The following TMEM217B variants were observed in gnomAD, a reference collection of about 807,000 sequenced individuals.
TMEM217B encodes putative transmembrane protein 217B.
the TMEM217B span, among the ~76,000 whole-genome samples, chr6:37,224,342 T>C: frequency 6.7e-6 from 1 of 148,508 alleles, no homozygotes; most frequent in South Asian, 2.2e-4. Context: ...CTCATGCCTG[T>C]AATCCCAGCA....
At chr6:37,229,335 GTTTTTTTTTT>G in the TMEM217B span, among the ~76,000 whole-genome samples, 4 of 74,368 alleles carry the variant, frequency 5.4e-5, no homozygotes, top group African/African-American at 1.6e-4. Flanking sequence ...GCAACTTTCA[GTTTTTTTTTT>G]TTTTTTTTTT....
the TMEM217B span, among the ~76,000 whole-genome samples, chr6:37,235,849 C>G: frequency 6.6e-6 from 1 of 152,128 alleles, no homozygotes; most frequent in Admixed American, 6.5e-5. Flanking sequence ...AAGCACTAAC[C>G]CATTTTGAAG....
At chr6:37,224,475 G>A in the TMEM217B span, among the ~76,000 whole-genome samples, 1 of 151,724 alleles carries the variant, frequency 6.6e-6, no homozygotes, top group African/African-American at 2.4e-5. Context: ...GCGGGCACCT[G>A]TGGTCCCAGC....
chr6:37,251,142 G>C, the TMEM217B span, among the ~76,000 whole-genome samples: 5 of 152,186 alleles, frequency 3.3e-5, no homozygotes, highest in Admixed American at 1.3e-4. Flanking sequence ...AGAACTGTGA[G>C]AAATAAATGT....
chr6:37,252,605 GTGTA>G, the TMEM217B span, among the ~76,000 whole-genome samples: 640 of 36,080 alleles, frequency 0.018, 8 homozygotes, highest in African/African-American at 0.077. Flanking sequence ...GTGTGTGTGT[GTGTA>G]TGTGTGTGTA....
chr6:37,216,043 T>C, the TMEM217B span, among the ~76,000 whole-genome samples: 1 of 150,274 alleles, frequency 6.7e-6, no homozygotes, highest in South Asian at 2.1e-4. Context: ...GAGAAACAGA[T>C]AGACAGACAG....
At chr6:37,254,236 T>C in the TMEM217B span, among the ~76,000 whole-genome samples, 11 of 152,290 alleles carry the variant, frequency 7.2e-5, no homozygotes, top group African/African-American at 2.4e-4. Context: ...GTGATTCACA[T>C]GTGCAATATA....
the TMEM217B span, chr6:37,212,467 A>G: frequency 2.2e-6 from 1 of 451,736 alleles, no homozygotes; most frequent in Non-Finnish European, 4.5e-6. Flanking sequence ...TCATGAGTTC[A>G]CTGCAATGGT....
chr6:37,213,014 TAC>T, the TMEM217B span: 16 of 1,503,716 alleles, frequency 1.1e-5, no homozygotes, highest in Non-Finnish European at 1.3e-5. Flanking sequence ...AAGAAAATCA[TAC>T]AGACACGTGA....
chr6:37,229,696 C>T, the TMEM217B span, among the ~76,000 whole-genome samples: 4 of 152,134 alleles, frequency 2.6e-5, no homozygotes, highest in African/African-American at 9.7e-5. Context: ...TATTATTTGG[C>T]TCATTCTAAG....
the TMEM217B span, among the ~76,000 whole-genome samples, chr6:37,222,437 G>T: frequency 6.5e-3 from 983 of 152,326 alleles, 9 homozygotes; most frequent in African/African-American, 0.021. Flanking sequence ...GGAAGCCGGG[G>T]AAGGGGGCCT....
At chr6:37,231,320 T>C in the TMEM217B span, among the ~76,000 whole-genome samples, 10 of 141,914 alleles carry the variant, frequency 7.0e-5, no homozygotes, top group Non-Finnish European at 1.2e-4. Flanking sequence ...TCCACCTGCC[T>C]CAGCCTCCCA....
the TMEM217B span, among the ~76,000 whole-genome samples, chr6:37,244,738 T>C: frequency 1.4e-4 from 21 of 152,226 alleles, no homozygotes; most frequent in Admixed American, 4.6e-4. Context: ...ATGTATTTAA[T>C]ACACAAGTTT....
At chr6:37,235,861 A>G in the TMEM217B span, among the ~76,000 whole-genome samples, 1 of 152,160 alleles carries the variant, frequency 6.6e-6, no homozygotes, top group African/African-American at 2.4e-5. Flanking sequence ...ATTTTGAAGG[A>G]ACCCTCATGA....
At chr6:37,213,026 A>C in the TMEM217B span, 2 of 1,444,114 alleles carry the variant, frequency 1.4e-6, no homozygotes, top group Non-Finnish European at 1.9e-6. Context: ...CAGACACGTG[A>C]CAAGATGGCA....
At chr6:37,244,441 T>C in the TMEM217B span, among the ~76,000 whole-genome samples, 1 of 152,244 alleles carries the variant, frequency 6.6e-6, no homozygotes, top group African/African-American at 2.4e-5. Flanking sequence ...GCTACACTTA[T>C]AGCCTAACAA....
the TMEM217B span, among the ~76,000 whole-genome samples, chr6:37,238,287 T>C: frequency 6.6e-6 from 1 of 152,174 alleles, no homozygotes; most frequent in African/African-American, 2.4e-5. Context: ...TTACACAATA[T>C]AATTATGTAA....
At chr6:37,218,624 G>A in the TMEM217B span, 1 of 1,614,182 alleles carries the variant, frequency 6.2e-7, no homozygotes, top group Non-Finnish European at 8.5e-7. Context: ...GTGCATGACT[G>A]TACGAGACAC....
At chr6:37,252,615 GTGTATA>G in the TMEM217B span, among the ~76,000 whole-genome samples, 1 of 91,226 alleles carries the variant, frequency 1.1e-5, no homozygotes, top group African/African-American at 4.0e-5. Context: ...GTGTATGTGT[GTGTATA>G]TATATATATA....
Sources: allele counts gnomAD v4.1 joint callset (sites outside exome capture counted in the v4.1 genomes callset), GRCh38; gene constraint gnomAD v4.1.1; transcripts MANE v1.5; gene names NCBI Gene and HGNC (gene_info 2026-07-23, HGNC 2026-07-21).